The following ACOXL variants were observed in gnomAD, a reference collection of about 807,000 sequenced individuals.
ACOXL encodes the protein acyl-CoA oxidase like, also known as acyl-coenzyme A oxidase-like protein.
ACOXL carries 70 observed loss-of-function variants against 71.9 expected under a neutral mutation model. That is an observed-to-expected ratio of 0.97 (90% CI 0.80 to 1.19). The LOEUF (loss-of-function observed/expected upper bound fraction) is 1.19. Among genes scored for constraint, ACOXL ranks in the 50% most tolerant of loss-of-function variants. The pLI is 0.00. For synonymous variants in ACOXL, 253 were observed against 281.6 expected (o/e 0.90, Z 1.02); for missense variants, 703 against 736.3 (o/e 0.95, Z 0.52).
At chr2:111,093,122 G>A (rs1018812459) in intron 17 of ACOXL, among the ~76,000 whole-genome samples, 156 bp downstream of exon 17, 5 of 151,160 alleles carry the variant, frequency 3.3e-5, no homozygotes, top group South Asian at 2.1e-4. Flanking sequence ...TATCATGATC[G>A]TATTACACTT....
intron 10 of ACOXL, among the ~76,000 whole-genome samples, chr2:110,842,024 A>G (rs4849120): frequency 0.26 from 39,860 of 152,094 alleles, 5,539 homozygotes; most frequent in East Asian, 0.31. Context: ...TGTCCTTACA[A>G]AAACTGTGCT....
chr2:110,950,815 G>GA (rs1230854644), intron 12 of ACOXL, among the ~76,000 whole-genome samples: 1 of 150,888 alleles, frequency 6.6e-6, no homozygotes, highest in Non-Finnish European at 1.5e-5. Context: ...GGGGTGGAGA[G>GA]AGAGAGAGAG....
In ACOXL at chr2:110,737,709, G is replaced by T. The variant is rs184079784; in HGVS notation, c.-23+4935G>T. On this transcript the variant is annotated intron_variant, in intron 1 of 17. Coordinates refer to ENST00000439055, the MANE Select transcript of ACOXL (RefSeq NM_001142807.4). Reference sequence around the variant, plus strand: ...GATCAAACCTGTCAGGTAATTGGCAGTTCCACCCCTCCTGCCCCTCATGGA... The same window carrying T: ...GATCAAACCTGTCAGGTAATTGGCATTTCCACCCCTCCTGCCCCTCATGGA... 4.4e-4 allele frequency among the ~76,000 whole-genome samples: 67 copies of T among 152,332 alleles called. No homozygotes were observed. The Middle Eastern group carries it at 0.027, about 62-fold the overall frequency.
intron 12 of ACOXL, among the ~76,000 whole-genome samples, chr2:110,936,427 G>A (rs2060665416): frequency 6.6e-6 from 1 of 152,014 alleles, no homozygotes. Flanking sequence ...CACTACACTG[G>A]CTAATTTATT....
chr2:110,797,892 G>A (rs965778978), intron 5 of ACOXL, among the ~76,000 whole-genome samples: 1 of 152,208 alleles, frequency 6.6e-6, no homozygotes, highest in Non-Finnish European at 1.5e-5. Context: ...TTGCTATGAA[G>A]TAGTCTAGCG....
chr2:110,834,153 C>T (rs1443049028), intron 9 of ACOXL, among the ~76,000 whole-genome samples: 2 of 152,152 alleles, frequency 1.3e-5, no homozygotes, highest in East Asian at 3.9e-4. Context: ...CCTCTTCCTC[C>T]TCTTCTGGCT....
intron 16 of ACOXL, among the ~76,000 whole-genome samples, chr2:111,081,037 A>G (rs1393421867): frequency 2.0e-5 from 3 of 152,250 alleles, no homozygotes; most frequent in Admixed American, 6.5e-5. Flanking sequence ...AATAAGAGCT[A>G]TTTATGACAA....
chr2:110,735,854 AGTTT>A (rs1286114517), intron 1 of ACOXL, among the ~76,000 whole-genome samples: 2 of 152,090 alleles, frequency 1.3e-5, no homozygotes, highest in African/African-American at 2.4e-5. Context: ...GATTTTTCTG[AGTTT>A]GTTTATTGGT....
Position 110,995,916 on chromosome 2 carries a change from C to T in ACOXL, c.1193C>T (p.Thr398Ile). 1 of 1,613,942 alleles carries T rather than the reference C, an allele frequency of 6.2e-7. No homozygotes were observed. Among genetic ancestry groups the T allele is most frequent in the South Asian group, 1.1e-5 (1 of 91,080 alleles). Residue 398 changes from threonine to isoleucine, a missense_variant, in exon 14 of 18, where the codon ACA (threonine) becomes ATA (isoleucine). Physicochemically the swap from Thr to Ile is moderately conservative, Grantham distance 89. Coordinates refer to ENST00000439055, the MANE Select transcript of ACOXL (RefSeq NM_001142807.4). ...AGTTTCCTGGCATTTAACATGGACA[C>T]AGTTGATGATCTCGCCTTTCTGTTG... ...RTSFLAFNMD[T>I]VDDLAFLLKA... is the part of the protein sequence containing the mutation.
chr2:110,767,441 G>A (rs980058072), intron 1 of ACOXL, among the ~76,000 whole-genome samples: 3 of 152,222 alleles, frequency 2.0e-5, no homozygotes, highest in Admixed American at 2.0e-4. Context: ...CTCAGACACA[G>A]TACAGTGATG....
chr2:111,073,010 A>G (rs2149936785), intron 16 of ACOXL, among the ~76,000 whole-genome samples: 1 of 152,320 alleles, frequency 6.6e-6, no homozygotes, highest in East Asian at 1.9e-4. Context: ...CCAGTAGCTG[A>G]TGCTGTTGAA....
At chr2:111,087,646 T>C (rs1464641984) in intron 16 of ACOXL, among the ~76,000 whole-genome samples, 7 of 152,174 alleles carry the variant, frequency 4.6e-5, no homozygotes, top group African/African-American at 1.7e-4. Context: ...TTACACCATA[T>C]ACAAAAATCA....
chr2:110,803,916 A>T (rs2105350573), intron 8 of ACOXL, among the ~76,000 whole-genome samples: 1 of 152,300 alleles, frequency 6.6e-6, no homozygotes, highest in Non-Finnish European at 1.5e-5. Flanking sequence ...AAAGATGCTC[A>T]ATGTCGTTGC....
chr2:110,864,553 G>A (rs1424385563), intron 10 of ACOXL, among the ~76,000 whole-genome samples: 1 of 152,194 alleles, frequency 6.6e-6, no homozygotes, highest in Non-Finnish European at 1.5e-5. Flanking sequence ...GGCTAAGGGC[G>A]TATAAGCTTT....
At chr2:110,946,382 C>T (rs2061109039) in intron 12 of ACOXL, among the ~76,000 whole-genome samples, 2 of 152,162 alleles carry the variant, frequency 1.3e-5, no homozygotes, top group South Asian at 4.1e-4. Context: ...ATTTCTTTCT[C>T]TTGCCTGATT....
chr2:110,967,189 T>C (rs1380560792), intron 12 of ACOXL, among the ~76,000 whole-genome samples: 2 of 152,060 alleles, frequency 1.3e-5, no homozygotes, highest in Admixed American at 6.6e-5. Flanking sequence ...AGAAAAAATA[T>C]AAGCAAATAA....
chr2:110,882,164 A>G (rs1184398331), intron 10 of ACOXL, among the ~76,000 whole-genome samples: 1 of 152,160 alleles, frequency 6.6e-6, no homozygotes, highest in Non-Finnish European at 1.5e-5. Context: ...GAGTGATTCC[A>G]ATAGTGTGTA....
At chr2:110,864,973 G>A (rs547006503) in intron 10 of ACOXL, among the ~76,000 whole-genome samples, 8 of 152,278 alleles carry the variant, frequency 5.3e-5, no homozygotes, top group African/African-American at 1.4e-4. Context: ...GTGGGGACCC[G>A]GGACAGTTGG....
chr2:111,073,921 A>AT (rs2067467308), intron 16 of ACOXL, among the ~76,000 whole-genome samples: 1 of 152,134 alleles, frequency 6.6e-6, no homozygotes, highest in South Asian at 2.1e-4. Context: ...TTTAATCCAG[A>AT]TTTTTTATTT....
Sources: gnomAD v4.1 joint callset for allele counts (sites outside exome capture counted in the v4.1 genomes callset) on GRCh38, gnomAD v4.1.1 for gene constraint, MANE v1.5 for transcripts, NCBI Gene and HGNC (gene_info 2026-07-23, HGNC 2026-07-21) for gene names.